RAD1: variants seen among roughly 807,000 people sequenced by gnomAD.
The protein encoded by RAD1 is cell cycle checkpoint protein RAD1.
Under a neutral mutation model 30.0 loss-of-function variants are expected in RAD1, and 21 were observed. That is an observed-to-expected ratio of 0.70 (90% CI 0.50 to 1.01). The LOEUF (loss-of-function observed/expected upper bound fraction) is 1.01, where lower values mean the gene tolerates loss of function less well. RAD1 is among the 50% of genes least tolerant of loss of function. The probability of loss-of-function intolerance (pLI) is 0.00; values close to 1 mark genes in which losing one functional copy is unlikely to be tolerated. For synonymous variants in RAD1, 109 were observed against 113.6 expected, an observed-to-expected ratio of 0.96 and a Z score of 0.26; for missense variants, 329 against 329.0, an observed-to-expected ratio of 1.00 and a Z score of 0.00.
At chr5:34,910,845 C>A (rs1472637123) in intron 4 of RAD1, among the ~76,000 whole-genome samples, 1 of 152,120 alleles carries the variant, frequency 6.6e-6, no homozygotes, top group Non-Finnish European at 1.5e-5. Flanking sequence ...TATTTAGATC[C>A]TCTCTCTAAA....
Position 34,914,633 on chromosome 5 carries a change from G to A in RAD1, c.198+62C>T, listed in dbSNP as rs946800301. On this transcript the variant is annotated intron_variant, in intron 2 of 5. Transcript: ENST00000382038. ...GTTATTTTGTCTACTGAAACCTTCC[G>A]ATTTCATTAAATTACATTTAGAGTA... The A allele has an allele frequency of 6.8e-5, 105 of 1,542,626 alleles. No individual in the cohort carries two copies. In the East Asian group the frequency reaches 1.8e-3, roughly 27 times the overall value.
At chr5:34,909,491 C>T (rs2069478) in intron 4 of RAD1, 135 bp from the exon 5 acceptor site, 28,560 of 543,112 alleles carry the variant, frequency 0.053, 1,319 homozygotes, top group African/African-American at 0.16. Context: ...TTATAACACA[C>T]GATAACAAGT....
chr5:34,909,348 G>A lies in RAD1; in HGVS notation c.575C>T (p.Thr192Ile). 6.3e-7 allele frequency: 1 copy of A among 1,593,468 alleles called. No individual in the cohort carries two copies. The highest frequency in any genetic ancestry group is 8.6e-7 in the Non-Finnish European group (1 of 1,162,090). Residue 192 changes from threonine to isoleucine, a missense_variant, in exon 5 of 6, where the codon ACT becomes ATT. By Grantham distance (89) the Thr-to-Ile change is moderately conservative (BLOSUM62 -1). Coordinates refer to ENST00000382038, the MANE Select transcript of RAD1 (RefSeq NM_002853.4). Reference sequence around the variant, plus strand: ...GTGGGAACTTCCTGCATTTCCAAAAGTAGATAACCTATAGAAAATGATTAC... The same window carrying A: ...GTGGGAACTTCCTGCATTTCCAAAAATAGATAACCTATAGAAAATGATTAC... Reference protein sequence around the residue: ...SPDKPYFRLSTFGNAGSSHLD... With the variant: ...SPDKPYFRLSIFGNAGSSHLD...
Position 34,911,636 on chromosome 5 carries a change from C to A in RAD1, c.484G>T (p.Gly162Trp). The change falls in exon 4 of 6, where the codon GGG becomes TGG. Residue 162 changes from glycine (G) to tryptophan (W), a missense_variant. Coordinates refer to ENST00000382038, the MANE Select transcript of RAD1 (RefSeq NM_002853.4). ...VINKIILQSE[G>W]LREAFSELDM... is the part of the protein sequence containing the mutation. ...AATTCAGAAAATGCTTCACGGAGCC[C>A]CTCTGACTGCAGAATAATTTTATTA... 6.2e-7 allele frequency: 1 copy of A among 1,614,054 alleles called. No individual in the cohort carries two copies. The highest frequency in any genetic ancestry group is 8.5e-7 in the Non-Finnish European group (1 of 1,180,014).
chr5:34,915,104 A>ATAC (rs1350726610), intron 1 of RAD1, 143 bp from the exon 2 acceptor site: 1 of 574,220 alleles, frequency 1.7e-6, no homozygotes, highest in Non-Finnish European at 3.1e-6. Context: ...CTATCTTTGT[A>ATAC]ATTCTGGAGG....
Position 34,914,824 on chromosome 5 carries a change from G to A in RAD1, c.69C>T (p.Asn23=). 1 of 1,614,148 alleles carries A rather than the reference G, an allele frequency of 6.2e-7. No homozygotes were observed. Among genetic ancestry groups the A allele is most frequent in the Non-Finnish European group, 8.5e-7 (1 of 1,180,032 alleles). ...DQYSLVASLD[N]VRNLSTILKA... ...TCAAGATAGTGGAGAGATTCCTAACGTTGTCAAGGCTGGCCACAAGGCTGT... is the reference window on the plus strand; with the variant it reads ...TCAAGATAGTGGAGAGATTCCTAACATTGTCAAGGCTGGCCACAAGGCTGT... Residue 23 remains asparagine, a synonymous_variant, in exon 2 of 6, where the codon AAC becomes AAT. Transcript: ENST00000382038.
In RAD1 at chr5:34,915,475, G is replaced by T. The variant is rs1764035042; in HGVS notation, c.-129C>A. On this transcript the variant is annotated 5_prime_UTR_variant, in exon 1 of 6. Coordinates refer to ENST00000382038, the MANE Select transcript of RAD1 (RefSeq NM_002853.4). ...CTCAGCAAAGTCCCTGAAGAGGAGC[G>T]AGGCGGCTCCGAGGAACCGCGGAGG... 1 of 402,744 alleles carries T rather than the reference G, an allele frequency of 2.5e-6. No homozygotes were observed. The highest frequency in any genetic ancestry group is 4.5e-6 in the Non-Finnish European group (1 of 224,112). 24.9% of individuals were successfully genotyped at this position (402,744 alleles called of 1,614,324 possible).
At chr5:34,914,359 C>T (rs890744922) in intron 2 of RAD1, 4 of 312,842 alleles carry the variant, frequency 1.3e-5, no homozygotes, top group East Asian at 8.0e-5. Context: ...AATAACAGAA[C>T]CTACCTTACA....
chr5:34,914,851 C>T lies in RAD1; in HGVS notation c.42G>A (p.Gln14=). The T allele has an allele frequency of 6.2e-7, 1 of 1,614,152 alleles. No homozygotes were observed. The highest frequency in any genetic ancestry group is 8.5e-7 in the Non-Finnish European group (1 of 1,180,044). ...TGTCAAGGCTGGCCACAAGGCTGTA[C>T]TGATCATCCTCGTCTTGGATCTGTT... ...LTQQIQDEDD[Q]YSLVASLDNV... is the part of the protein sequence containing the mutation. Residue 14 remains glutamine (Q), a synonymous_variant, in exon 2 of 6, where the codon CAG becomes CAA. Transcript: ENST00000382038.
intron 4 of RAD1, among the ~76,000 whole-genome samples, chr5:34,911,202 A>AC (rs934178739): frequency 3.3e-5 from 5 of 152,238 alleles, no homozygotes; most frequent in African/African-American, 1.2e-4. Context: ...CTAACTTGAA[A>AC]AAGATACCAT....
chr5:34,911,879 G>T, intron 3 of RAD1, 67 bp from the exon 4 acceptor site: 1 of 1,528,470 alleles, frequency 6.5e-7, no homozygotes, highest in South Asian at 1.2e-5. Context: ...TCCTCGAAAT[G>T]ATACATAAAA....
Position 34,911,769 on chromosome 5 carries a change from G to T in RAD1, c.351C>A (p.Tyr117Ter). ...CTTCTTCCAGGAACAGCATCAAAGG[G>T]TAACCATAACCTTGGTAACACATTC... ...ALRMCYQGYG[Y>*]PLMLFLEEGG... The change falls in exon 4 of 6, where the codon TAC (tyrosine) becomes TAA (stop). Residue 117 changes from tyrosine (Y) to a stop codon, truncating the protein, a stop_gained. Coordinates refer to ENST00000382038, the MANE Select transcript of RAD1 (RefSeq NM_002853.4). LOFTEE classifies it high-confidence loss of function. 1.2e-6 allele frequency: 2 copies of T among 1,614,124 alleles called. No individual in the cohort carries two copies. The highest frequency in any genetic ancestry group is 1.7e-6 in the Non-Finnish European group (2 of 1,180,020).
chr5:34,911,192 C>G (rs41271709), intron 4 of RAD1, among the ~76,000 whole-genome samples: 2 of 152,200 alleles, frequency 1.3e-5, no homozygotes, highest in Non-Finnish European at 2.9e-5. Context: ...GCATCCTGAA[C>G]TAACTTGAAA....
At chr5:34,913,411 T>C in intron 3 of RAD1, 59 bp downstream of exon 3, 1 of 971,256 alleles carries the variant, frequency 1.0e-6, no homozygotes. Flanking sequence ...AATAACTTCC[T>C]GTATTTTTCT....
chr5:34,914,463 A>G (rs1340174787), intron 2 of RAD1: 1 of 542,352 alleles, frequency 1.8e-6, no homozygotes, highest in African/African-American at 1.9e-5. Flanking sequence ...ACTAACCATT[A>G]TCTCTGTAAA....
chr5:34,914,742 CT>C lies in RAD1; in HGVS notation c.150del (p.Val51Ter), dbSNP rs781458929. ...ATCFATKNGI[K>X]VTVENAKCVQ... Reference sequence around the variant, plus strand: ...ACACACTTTGCATTTTCCACTGTTACTTTGATACCATTTTTAGTTGCGAAAC... The same window carrying C: ...ACACACTTTGCATTTTCCACTGTTACTTGATACCATTTTTAGTTGCGAAAC... On this transcript the variant is annotated frameshift_variant, in exon 2 of 6. Coordinates refer to ENST00000382038, the MANE Select transcript of RAD1 (RefSeq NM_002853.4). LOFTEE classifies it high-confidence loss of function. 2 of 1,614,054 alleles carry C rather than the reference CT, an allele frequency of 1.2e-6. No homozygotes were observed. The highest frequency in any genetic ancestry group is 1.7e-6 in the Non-Finnish European group (2 of 1,180,000).
In RAD1 at chr5:34,905,332, A is replaced by G. The variant is rs1362097150; in HGVS notation, c.*3433T>C. On this transcript the variant is annotated 3_prime_UTR_variant, in exon 6 of 6. Coordinates refer to ENST00000382038, the MANE Select transcript of RAD1 (RefSeq NM_002853.4). ...GCAATGTGAAGACAGGGAAGGAAAG[A>G]AGGAAGTCTCTATGTTCTGAAGGAC... 6.6e-6 allele frequency: 1 copy of G among 152,220 alleles called. No homozygotes were observed. Among genetic ancestry groups the G allele is most frequent in the East Asian group, 1.9e-4 (1 of 5,198 alleles). The allele number at this position is 152,220 out of a possible 1,614,324, so 9.4% of individuals were successfully genotyped here.
rs1018565462 is a variant in RAD1 at position 34,915,488 on chromosome 5, G to C, written c.-142C>G. The C allele has an allele frequency of 6.7e-5, 29 of 430,626 alleles. No individual in the cohort carries two copies. Among genetic ancestry groups the C allele is most frequent in the Middle Eastern group, 1.3e-3 (2 of 1,592 alleles). 26.7% of individuals were successfully genotyped at this position (430,626 alleles called of 1,614,324 possible). A position where few individuals can be genotyped will look rare whatever the true frequency, so the allele number is the denominator to read the frequency against. ...CTGAAGAGGAGCGAGGCGGCTCCGA[G>C]GAACCGCGGAGGAAGTGAAGCCAGT... On this transcript the variant is annotated 5_prime_UTR_variant, in exon 1 of 6. Transcript: ENST00000382038.
rs1763746013 is a variant in RAD1, at chr5:34,908,967, A to G, written c.666-19T>C. On this transcript the variant is annotated intron_variant, in intron 5 of 5. Coordinates refer to ENST00000382038, the MANE Select transcript of RAD1 (RefSeq NM_002853.4). Reference sequence around the variant, plus strand: ...CTTGTATCTGTAGAAGAAAAAATAAAACGCTGTTATATCAACACAGTGAAC... The same window carrying G: ...CTTGTATCTGTAGAAGAAAAAATAAGACGCTGTTATATCAACACAGTGAAC... 3 of 1,586,706 alleles carry G rather than the reference A, an allele frequency of 1.9e-6. No homozygotes were observed. The highest frequency in any genetic ancestry group is 2.6e-6 in the Non-Finnish European group (3 of 1,166,882).
Sources: gnomAD v4.1 joint callset for allele counts (sites outside exome capture counted in the v4.1 genomes callset) on GRCh38, gnomAD v4.1.1 for gene constraint, MANE v1.5 for transcripts, NCBI Gene and HGNC (gene_info 2026-07-23, HGNC 2026-07-21) for gene names.